The following SGCZ variants were observed in gnomAD, a reference collection of about 807,000 sequenced individuals.
SGCZ encodes the protein sarcoglycan zeta, also known as zeta-sarcoglycan.
Under a neutral mutation model 41.3 loss-of-function variants are expected in SGCZ, and 40 were observed. That is an observed-to-expected ratio of 0.97 (90% CI 0.75 to 1.26). The LOEUF (loss-of-function observed/expected upper bound fraction) is 1.26, where lower values mean the gene tolerates loss of function less well. SGCZ is among the 50% of genes most tolerant of loss of function. The pLI is 0.00. For missense variants in SGCZ, 552 were observed against 369.8 expected (o/e 1.49, Z -4.04); for synonymous variants, 206 against 137.5 (o/e 1.50, Z -3.49).
chr8:14,619,255 A>C (rs898971066), intron 1 of SGCZ, among the ~76,000 whole-genome samples: 2 of 152,000 alleles, frequency 1.3e-5, no homozygotes, highest in African/African-American at 4.8e-5. Flanking sequence ...CATGCTAAAA[A>C]CTCTCAATAA....
intron 4 of SGCZ, chr8:14,165,260 T>TTA: frequency 6.6e-6 from 1 of 152,308 alleles, no homozygotes; most frequent in Middle Eastern, 3.4e-3. Flanking sequence ...CATCTTGAAA[T>TTA]TATATATATA....
intron 4 of SGCZ, among the ~76,000 whole-genome samples, chr8:14,204,780 G>T (rs879547463): frequency 2.0e-5 from 3 of 147,830 alleles, no homozygotes; most frequent in Non-Finnish European, 4.5e-5. Context: ...GAACTTCAGG[G>T]TCCCTGGCCT....
intron 5 of SGCZ, among the ~76,000 whole-genome samples, chr8:14,109,721 A>T (rs952050673): frequency 6.6e-6 from 1 of 152,236 alleles, no homozygotes; most frequent in African/African-American, 2.4e-5. Context: ...ATGTATTAGA[A>T]GCATCAGATG....
At chr8:14,967,965 T>C (rs1160793088) in intron 1 of SGCZ, among the ~76,000 whole-genome samples, 1 of 152,170 alleles carries the variant, frequency 6.6e-6, no homozygotes, top group Non-Finnish European at 1.5e-5. Context: ...AAGTGTTCAG[T>C]AAACATTTGT....
chr8:15,140,549 G>T (rs886961245), intron 1 of SGCZ, among the ~76,000 whole-genome samples: 1 of 152,032 alleles, frequency 6.6e-6, no homozygotes, highest in African/African-American at 2.4e-5. Context: ...AATATCAGCT[G>T]CCAACTAATA....
At chr8:14,514,701 G>A (rs569164628) in intron 2 of SGCZ, among the ~76,000 whole-genome samples, 1 of 146,606 alleles carries the variant, frequency 6.8e-6, no homozygotes, top group East Asian at 2.0e-4. Context: ...TTACATATAT[G>A]TACACACATT....
intron 4 of SGCZ, among the ~76,000 whole-genome samples, chr8:14,167,511 A>G (rs775363207): frequency 3.9e-5 from 6 of 152,194 alleles, no homozygotes; most frequent in Non-Finnish European, 8.8e-5. Context: ...ACACTTCCTT[A>G]GGAACATCTC....
At chr8:14,695,526 A>G (rs1268135586) in intron 1 of SGCZ, among the ~76,000 whole-genome samples, 1 of 152,142 alleles carries the variant, frequency 6.6e-6, no homozygotes, top group East Asian at 1.9e-4. Flanking sequence ...CCAGGAAATT[A>G]AATAAGTAAA....
At chr8:14,905,324 T>C (rs974394143) in intron 1 of SGCZ, among the ~76,000 whole-genome samples, 7 of 151,916 alleles carry the variant, frequency 4.6e-5, no homozygotes, top group African/African-American at 1.7e-4. Flanking sequence ...TGGTAAATGG[T>C]AGGGATATTT....
chr8:14,101,911 G>C (rs1454293503), intron 7 of SGCZ, among the ~76,000 whole-genome samples: 2 of 150,480 alleles, frequency 1.3e-5, no homozygotes, highest in East Asian at 2.0e-4. Context: ...TGTTTGTTTT[G>C]AGACGGAGTC....
intron 1 of SGCZ, among the ~76,000 whole-genome samples, chr8:15,173,013 T>A (rs1799890770): frequency 6.6e-6 from 1 of 152,252 alleles, no homozygotes; most frequent in African/African-American, 2.4e-5. Context: ...AATGTTGTGA[T>A]AATTCACTAA....
intron 1 of SGCZ, among the ~76,000 whole-genome samples, chr8:15,150,637 C>T (rs1799152535): frequency 6.6e-6 from 1 of 152,118 alleles, no homozygotes; most frequent in Non-Finnish European, 1.5e-5. Context: ...CCCTTTTTCA[C>T]CTGGACACCA....
intron 3 of SGCZ, among the ~76,000 whole-genome samples, chr8:14,295,801 G>A (rs1454733392): frequency 6.6e-6 from 1 of 152,178 alleles, no homozygotes; most frequent in Non-Finnish European, 1.5e-5. Context: ...AGAATTTGGT[G>A]TTGCTCAGGT....
intron 1 of SGCZ, among the ~76,000 whole-genome samples, chr8:15,165,212 G>A (rs1003924812): frequency 1.2e-4 from 18 of 152,060 alleles, no homozygotes; most frequent in African/African-American, 3.1e-4. Flanking sequence ...GCATGAACCC[G>A]GGAGGCAGAG....
rs151146278 is a variant in SGCZ, at chr8:14,087,285, A to C, written c.*3158T>G. Among the ~76,000 whole-genome samples the C allele has an allele frequency of 0.011, 1,507 of 140,378 alleles. 26 individuals carry two copies. Among genetic ancestry groups the C allele is most frequent in the African/African-American group, 0.035 (1,432 of 40,452 alleles). 92.1% of individuals were successfully genotyped at this position (140,378 alleles called of 152,430 possible). ...TGAACAAGGGAAGTAGGAAATTTGG[A>C]AGTTTTTGTTGTTCTTGCTGTTTTT... On this transcript the variant is annotated 3_prime_UTR_variant, in exon 8 of 8. Transcript: ENST00000382080.
intron 4 of SGCZ, among the ~76,000 whole-genome samples, chr8:14,188,159 C>T (rs946509981): frequency 6.6e-6 from 1 of 152,150 alleles, no homozygotes; most frequent in African/African-American, 2.4e-5. Flanking sequence ...GTGTTTCTAG[C>T]AGACCTATGT....
At chr8:15,087,410 T>C (rs1805989193) in intron 1 of SGCZ, among the ~76,000 whole-genome samples, 1 of 152,140 alleles carries the variant, frequency 6.6e-6, no homozygotes, top group African/African-American at 2.4e-5. Context: ...ATCCCTGCTA[T>C]AAAGACAGAA....
chr8:14,470,765 T>C (rs925704971), intron 2 of SGCZ, among the ~76,000 whole-genome samples: 2 of 152,162 alleles, frequency 1.3e-5, no homozygotes, highest in African/African-American at 4.8e-5. Context: ...ATCACTCTCT[T>C]GGAAAGACCT....
chr8:14,455,554 G>C (rs1800719011), intron 2 of SGCZ, among the ~76,000 whole-genome samples: 1 of 151,874 alleles, frequency 6.6e-6, no homozygotes, highest in African/African-American at 2.4e-5. Context: ...TAGGTAGATA[G>C]ATAGATCGAT....
Sources: gnomAD v4.1 joint callset for allele counts (sites outside exome capture counted in the v4.1 genomes callset) on GRCh38, gnomAD v4.1.1 for gene constraint, MANE v1.5 for transcripts, NCBI Gene and HGNC (gene_info 2026-07-23, HGNC 2026-07-21) for gene names.